Variants in FGD5 observed in about 807,000 individuals in gnomAD.
FGD5 encodes FYVE, RhoGEF and PH domain containing 5, also known as FYVE, RhoGEF and PH domain-containing protein 5.
Under a neutral mutation model 133.4 loss-of-function variants are expected in FGD5, and 28 were observed. The ratio of observed to expected loss-of-function variants is 0.21; its 90% confidence interval spans 0.16 to 0.29. The LOEUF (loss-of-function observed/expected upper bound fraction) is 0.29. Among genes scored for constraint, FGD5 ranks in the 10% least tolerant of loss-of-function variants. The pLI is 1.00. For missense variants in FGD5, 1,858 were observed against 1,895.2 expected (o/e 0.98, Z 0.36); for synonymous variants, 810 against 776.5 (o/e 1.04, Z -0.72).
intron 1 of FGD5, among the ~76,000 whole-genome samples, chr3:14,829,107 A>T (rs1428037021): frequency 6.6e-6 from 1 of 151,948 alleles, no homozygotes; most frequent in Non-Finnish European, 1.5e-5. Flanking sequence ...GTGGGTCTTG[A>T]TGGGGAGCAG....
intron 1 of FGD5, among the ~76,000 whole-genome samples, chr3:14,853,112 C>T (rs1305283760): frequency 6.6e-6 from 1 of 152,098 alleles, no homozygotes; most frequent in Non-Finnish European, 1.5e-5. Context: ...CACATTTGCG[C>T]TGTGCTTTGT....
At chr3:14,852,678 C>T (rs969151803) in intron 1 of FGD5, among the ~76,000 whole-genome samples, 1 of 152,174 alleles carries the variant, frequency 6.6e-6, no homozygotes, top group Non-Finnish European at 1.5e-5. Flanking sequence ...TGTCTCTGGT[C>T]AGAAAACAAG....
intron 1 of FGD5, among the ~76,000 whole-genome samples, chr3:14,857,954 C>T (rs1051320597): frequency 2.8e-4 from 42 of 151,730 alleles, no homozygotes; most frequent in African/African-American, 1.0e-3. Context: ...AGCTGAGACA[C>T]GGAGAGATTA....
At chr3:14,814,159 T>C, upstream of FGD5, among the ~76,000 whole-genome samples, 1 of 152,106 alleles carries the variant, frequency 6.6e-6, no homozygotes, top group East Asian at 1.9e-4. Flanking sequence ...GTTCACACCA[T>C]AGCCTTCTCC....
At chr3:14,843,221 A>ACTTG (rs2036958301) in intron 1 of FGD5, among the ~76,000 whole-genome samples, 2 of 152,232 alleles carry the variant, frequency 1.3e-5, no homozygotes, top group South Asian at 4.2e-4. Context: ...TTGGCACAGT[A>ACTTG]CTTGGCACAT....
At chr3:14,882,424 G>A (rs919350897) in intron 4 of FGD5, 42 of 865,610 alleles carry the variant, frequency 4.9e-5, no homozygotes, top group Non-Finnish European at 5.5e-5. Flanking sequence ...CAGGCCAGGC[G>A]CGATGGCTCA....
In FGD5 at chr3:14,875,577, A is replaced by G. The variant is rs2037701792; in HGVS notation, c.2659-4995A>G. 2.0e-5 allele frequency among the ~76,000 whole-genome samples: 3 copies of G among 152,144 alleles called. No homozygotes were observed. The South Asian group carries it at 6.2e-4, about 32-fold the overall frequency. ...CTGAGCCACAGGGGCCCCTTTCTGT[A>G]AGCGCTGGGAGCCTCTGCAGCCACT... On this transcript the variant is annotated intron_variant, in intron 2 of 19. Coordinates refer to ENST00000285046, the MANE Select transcript of FGD5 (RefSeq NM_152536.4).
Position 14,922,748 on chromosome 3 carries a change from C to G in FGD5, c.3807+200C>G, listed in dbSNP as rs2038710639. On this transcript the variant is annotated intron_variant, in intron 15 of 19. Transcript: ENST00000285046. This position sits in a 1 kb window ranked among gnomAD's most constrained non-coding sequence, Gnocchi z 4.1. ...AACCAGAGCTCCAAGTCCCAGGCCTCTTCCACACCACCACGTTTTCAACAG... is the reference window on the plus strand; with the variant it reads ...AACCAGAGCTCCAAGTCCCAGGCCTGTTCCACACCACCACGTTTTCAACAG... Among the ~76,000 whole-genome samples, 1 of 152,206 alleles carries G rather than the reference C, an allele frequency of 6.6e-6. No individual in the cohort carries two copies. The highest frequency in any genetic ancestry group is 1.5e-5 in the Non-Finnish European group (1 of 68,048).
At chr3:14,882,539 A>G (rs181878954) in intron 4 of FGD5, among the ~76,000 whole-genome samples, 1 of 152,130 alleles carries the variant, frequency 6.6e-6, no homozygotes, top group African/African-American at 2.4e-5. Flanking sequence ...CTCTACTGAA[A>G]ATACAAAAAT....
At chr3:14,822,340 C>T (rs2036520860) in intron 1 of FGD5, among the ~76,000 whole-genome samples, 1 of 152,128 alleles carries the variant, frequency 6.6e-6, no homozygotes, top group East Asian at 1.9e-4. Context: ...CAGGAAAATA[C>T]CCTAAATTGA....
chr3:14,876,321 G>T (rs192835760), intron 2 of FGD5, among the ~76,000 whole-genome samples: 11 of 152,242 alleles, frequency 7.2e-5, no homozygotes, highest in Admixed American at 6.5e-4. Context: ...TGAAACAGTG[G>T]TTCTCAAAAC....
chr3:14,919,542 G>T (rs952388020), intron 13 of FGD5, among the ~76,000 whole-genome samples: 1 of 152,172 alleles, frequency 6.6e-6, no homozygotes, highest in Admixed American at 6.5e-5. Flanking sequence ...GGCGTGAACC[G>T]GGGAGGTGGA....
intron 18 of FGD5, chr3:14,930,995 A>G (rs929613180): frequency 6.6e-6 from 1 of 152,058 alleles, no homozygotes; most frequent in Non-Finnish European, 1.5e-5. Flanking sequence ...TGCAAGCACA[A>G]ATAGTTCTAC....
At chr3:14,866,245 T>C (rs903304620) in intron 2 of FGD5, among the ~76,000 whole-genome samples, 1 of 152,048 alleles carries the variant, frequency 6.6e-6, no homozygotes, top group Non-Finnish European at 1.5e-5. Context: ...TGCGGGGCTG[T>C]GGGAGGGTTG....
intron 10 of FGD5, among the ~76,000 whole-genome samples, chr3:14,908,945 T>C (rs139816718): frequency 0.053 from 7,548 of 143,198 alleles, 285 homozygotes; most frequent in East Asian, 0.28. Context: ...TTTATTTATT[T>C]ATTTATTCAT....
chr3:14,839,129 CCTGT>C lies in FGD5; in HGVS notation c.2525+17538_2525+17541del, dbSNP rs538506093. Among the ~76,000 whole-genome samples the C allele has an allele frequency of 1.5e-3, 232 of 152,330 alleles. 1 individual carries two copies. The highest frequency in any genetic ancestry group is 5.2e-3 in the African/African-American group (218 of 41,568). ...GGAAAAGCACATGCTTCCAGCACCT[CCTGT>C]CTGTTTCTCAACACTAGGAAGTGGG... On this transcript the variant is annotated intron_variant, in intron 1 of 19. Transcript: ENST00000285046.
chr3:14,909,756 CTTTTCTT>C (rs987832926), intron 10 of FGD5, among the ~76,000 whole-genome samples: 2 of 145,340 alleles, frequency 1.4e-5, no homozygotes, highest in Non-Finnish European at 3.0e-5. Context: ...CTTTTCTTTT[CTTTTCTT>C]TTTTTTTTTT....
Position 14,922,591 on chromosome 3 carries a change from G to T in FGD5, c.3807+43G>T. 6.5e-7 allele frequency: 1 copy of T among 1,546,874 alleles called. No individual in the cohort carries two copies. Among genetic ancestry groups the T allele is most frequent in the Non-Finnish European group, 8.7e-7 (1 of 1,149,076 alleles). ...GGGTGAGTGTGTGCATGGGGGTGGGGTGGGGGAAGGGCATGTCCCTGCCCA... is the reference window on the plus strand; with the variant it reads ...GGGTGAGTGTGTGCATGGGGGTGGGTTGGGGGAAGGGCATGTCCCTGCCCA... On this transcript the variant is annotated intron_variant, in intron 15 of 19. Coordinates refer to ENST00000285046, the MANE Select transcript of FGD5 (RefSeq NM_152536.4). The surrounding 1 kb of genome is among the most constrained non-coding windows in gnomAD (Gnocchi z 4.1).
chr3:14,877,121 C>T (rs1223233631), intron 2 of FGD5, among the ~76,000 whole-genome samples: 1 of 152,242 alleles, frequency 6.6e-6, no homozygotes, highest in Non-Finnish European at 1.5e-5. Flanking sequence ...AGCCCTGTTC[C>T]CAGAAGCCTG....
Sources: gnomAD v4.1 joint callset for allele counts (sites outside exome capture counted in the v4.1 genomes callset) on GRCh38, gnomAD v4.1.1 for gene constraint, Gnocchi (gnomAD v3.1) non-coding constraint, MANE v1.5 for transcripts, NCBI Gene and HGNC (gene_info 2026-07-23, HGNC 2026-07-21) for gene names.